The following CACNA1D variants were observed in gnomAD, a reference collection of about 807,000 sequenced individuals.
CACNA1D encodes calcium voltage-gated channel subunit alpha1 D.
A neutral mutation model predicts 257.1 loss-of-function variants in CACNA1D; 55 were observed. The observed-to-expected ratio is 0.21, with a 90% CI of 0.17 to 0.27. The LOEUF is 0.27. Ranked by LOEUF, CACNA1D falls within the 10% of genes least tolerant of loss-of-function variation. CACNA1D has a pLI of 1.00. For synonymous variants in CACNA1D, 980 were observed against 1,014.9 expected (o/e 0.97, Z 0.65); for missense variants, 1,876 against 2,784.0 (o/e 0.67, Z 7.34).
intron 3 of CACNA1D, among the ~76,000 whole-genome samples, chr3:53,576,351 G>A (rs76753844): frequency 0.017 from 2,660 of 152,268 alleles, 57 homozygotes; most frequent in African/African-American, 0.059. Context: ...GTTATCCTCC[G>A]AAATTTTAAG....
intron 3 of CACNA1D, among the ~76,000 whole-genome samples, chr3:53,533,632 T>A (rs2107468035): frequency 6.6e-6 from 1 of 152,334 alleles, no homozygotes; most frequent in East Asian, 1.9e-4. Context: ...TCACTCTTCT[T>A]TGTGACAGGC....
At chr3:53,728,651 C>T (rs527370513) in intron 15 of CACNA1D, among the ~76,000 whole-genome samples, 1 of 152,320 alleles carries the variant, frequency 6.6e-6, no homozygotes, top group South Asian at 2.1e-4. Flanking sequence ...CTTGAATCTG[C>T]AGAGAAGTAT....
intron 9 of CACNA1D, among the ~76,000 whole-genome samples, chr3:53,705,123 G>T (rs769912406): frequency 5.3e-5 from 8 of 152,184 alleles, no homozygotes; most frequent in Non-Finnish European, 8.8e-5. Flanking sequence ...GAGTGGCTTA[G>T]TGTGAGAAGC....
intron 9 of CACNA1D, among the ~76,000 whole-genome samples, chr3:53,706,373 T>A (rs1364220565): frequency 6.6e-6 from 1 of 152,230 alleles, no homozygotes; most frequent in Non-Finnish European, 1.5e-5. Context: ...CTGGAGGGCA[T>A]CTTGATGCCC....
chr3:53,653,850 G>A (rs1234309021), intron 4 of CACNA1D, among the ~76,000 whole-genome samples: 1 of 138,248 alleles, frequency 7.2e-6, no homozygotes, highest in Non-Finnish European at 1.5e-5. Context: ...AGCAAAGCCT[G>A]AGCAAAATAA....
chr3:53,676,542 C>T (rs1057495457), intron 8 of CACNA1D, among the ~76,000 whole-genome samples: 16 of 152,176 alleles, frequency 1.1e-4, no homozygotes, highest in South Asian at 2.1e-4. Flanking sequence ...TTAAAACGCC[C>T]TCATTTTAGA....
chr3:53,731,243 C>G lies in CACNA1D; in HGVS notation c.2406+97C>G. 3 of 834,932 alleles carry G rather than the reference C, an allele frequency of 3.6e-6. No homozygotes were observed. The South Asian group carries it at 4.2e-5, about 12-fold the overall frequency. 51.7% of individuals were successfully genotyped at this position (834,932 alleles called of 1,614,324 possible). A position where few individuals can be genotyped will look rare whatever the true frequency, so the allele number is the denominator to read the frequency against. On this transcript the variant is annotated intron_variant, in intron 17 of 47. Coordinates refer to ENST00000350061, the MANE Select transcript of CACNA1D (RefSeq NM_001128840.3). ...TACACTGTGGAAGTGTCTTGTGTAT[C>G]ATTCTTGTAATATTTTGGTGTGAAG...
intron 3 of CACNA1D, among the ~76,000 whole-genome samples, chr3:53,534,810 T>C (rs1230803099): frequency 6.6e-6 from 1 of 152,208 alleles, no homozygotes; most frequent in Non-Finnish European, 1.5e-5. Flanking sequence ...TTCATACACA[T>C]ATTAGTAAGA....
rs141425747 is a variant in CACNA1D, at chr3:53,554,905, C to T, written c.483+53185C>T. ...AAACAGGAAAAGGTTCTGTTGGCAG[C>T]CAGGGAGATAGTAAATACCCCTGAC... On this transcript the variant is annotated intron_variant, in intron 3 of 47. Coordinates refer to ENST00000350061, the MANE Select transcript of CACNA1D (RefSeq NM_001128840.3). 4.5e-4 allele frequency among the ~76,000 whole-genome samples: 69 copies of T among 152,258 alleles called. No homozygotes were observed. In the East Asian group the frequency reaches 0.011, roughly 25 times the overall value.
chr3:53,732,788 C>T (rs1025702168), intron 18 of CACNA1D, 27 bp from the exon 19 acceptor site: 8 of 1,601,174 alleles, frequency 5.0e-6, no homozygotes, highest in African/African-American at 1.3e-5. Context: ...TTATTTCATG[C>T]CTATAAAAAA....
rs545125420 is a variant in CACNA1D, at chr3:53,735,851, T to C, written c.2751+348T>C. Among the ~76,000 whole-genome samples, 6 of 152,350 alleles carry C rather than the reference T, an allele frequency of 3.9e-5. No homozygotes were observed. In the South Asian group the frequency reaches 1.2e-3, roughly 32 times the overall value. ...ACACTCACCCCTGTTTTGAGATTCA[T>C]GCCTCGTGGAAGCACACAGCAGGGA... On this transcript the variant is annotated intron_variant, in intron 20 of 47. Coordinates refer to ENST00000350061, the MANE Select transcript of CACNA1D (RefSeq NM_001128840.3).
At chr3:53,701,368 A>G (rs1302933968) in intron 8 of CACNA1D, among the ~76,000 whole-genome samples, 1 of 152,098 alleles carries the variant, frequency 6.6e-6, no homozygotes, top group Non-Finnish European at 1.5e-5. Context: ...TCCTGACCTC[A>G]TGATCCACCC....
At chr3:53,808,567 T>C in intron 45 of CACNA1D, 82 bp from the exon 46 acceptor site, 1 of 1,564,240 alleles carries the variant, frequency 6.4e-7, no homozygotes, top group South Asian at 1.1e-5. Flanking sequence ...TTGCTGAGCA[T>C]CCGGGGCCAC....
intron 3 of CACNA1D, among the ~76,000 whole-genome samples, chr3:53,544,527 A>G (rs2092371317): frequency 6.6e-6 from 1 of 152,096 alleles, no homozygotes. Context: ...TCCTGGGATG[A>G]TGCAGGCAAG....
At position 53,495,727 on chromosome 3, in the gene CACNA1D, C is replaced by A. The variant is rs2090314448; in HGVS notation, c.67+494C>A. ...GCGCCGGTGGGTGAAGCACACCCAT[C>A]CCCTCGCGGGGGAGGCCCGGCCTCG... On this transcript the variant is annotated intron_variant, in intron 1 of 47. Coordinates refer to ENST00000350061, the MANE Select transcript of CACNA1D (RefSeq NM_001128840.3). The surrounding 1 kb of genome is among the most constrained non-coding windows in gnomAD (Gnocchi z 5.1). 6.6e-6 allele frequency among the ~76,000 whole-genome samples: 1 copy of A among 152,260 alleles called. No homozygotes were observed. The highest frequency in any genetic ancestry group is 2.4e-5 in the African/African-American group (1 of 41,476).
rs141946366 is a variant in CACNA1D at position 53,583,098 on chromosome 3, CT to C, written c.484-67680del. Among the ~76,000 whole-genome samples, 1,207 of 152,290 alleles carry C rather than the reference CT, an allele frequency of 7.9e-3. 11 individuals carry two copies. Among genetic ancestry groups the C allele is most frequent in the Non-Finnish European group, 0.013 (897 of 68,020 alleles). On this transcript the variant is annotated intron_variant, in intron 3 of 47. Coordinates refer to ENST00000350061, the MANE Select transcript of CACNA1D (RefSeq NM_001128840.3). ...ACTGATCTCCTTAGTCTGTGCACCC[CT>C]GATGGGCAAGATTATGTCTCATCCC...
At position 53,609,025 on chromosome 3, in the gene CACNA1D, G is replaced by A. The variant is rs114047772; in HGVS notation, c.484-41754G>A. Among the ~76,000 whole-genome samples, 413 of 152,326 alleles carry A rather than the reference G, an allele frequency of 2.7e-3. 3 individuals are homozygous for A. Among genetic ancestry groups the A allele is most frequent in the African/African-American group, 9.1e-3 (378 of 41,572 alleles). On this transcript the variant is annotated intron_variant, in intron 3 of 47. Coordinates refer to ENST00000350061, the MANE Select transcript of CACNA1D (RefSeq NM_001128840.3). ...TCCTCTGCTTTCTAAGAGACTTTGTGTAGGATTAGTATTATCCCTTAAATG... is the reference window on the plus strand; with the variant it reads ...TCCTCTGCTTTCTAAGAGACTTTGTATAGGATTAGTATTATCCCTTAAATG...
At chr3:53,499,375 C>A (rs1379345757) in intron 2 of CACNA1D, among the ~76,000 whole-genome samples, 1 of 151,898 alleles carries the variant, frequency 6.6e-6, no homozygotes, top group African/African-American at 2.4e-5. Flanking sequence ...CTATAGAAAT[C>A]CTTTCCACCC....
chr3:53,713,544 GA>G (rs2094786240), intron 9 of CACNA1D, among the ~76,000 whole-genome samples: 1 of 32,766 alleles, frequency 3.1e-5, no homozygotes, highest in African/African-American at 2.6e-4. Flanking sequence ...GTGTGTGTGT[GA>G]GAGATTTGCC....
Sources: gnomAD v4.1 joint callset for allele counts (sites outside exome capture counted in the v4.1 genomes callset) on GRCh38, gnomAD v4.1.1 for gene constraint, Gnocchi (gnomAD v3.1) non-coding constraint, MANE v1.5 for transcripts, NCBI Gene and HGNC (gene_info 2026-07-23, HGNC 2026-07-21) for gene names.